WASHC5: variants seen among roughly 807,000 people sequenced by gnomAD.
WASHC5 encodes WASH complex subunit 5.
In WASHC5, 101 loss-of-function variants were observed where a neutral mutation model predicts 150.4. The observed-to-expected ratio is 0.67, with a 90% CI of 0.57 to 0.79. The LOEUF (loss-of-function observed/expected upper bound fraction) is 0.79. WASHC5 is among the 30% of genes least tolerant of loss of function. The pLI is 0.00. For missense variants in WASHC5, 1,195 were observed against 1,396.3 expected (o/e 0.86, Z 2.30); for synonymous variants, 467 against 491.2 (o/e 0.95, Z 0.65).
intron 27 of WASHC5, among the ~76,000 whole-genome samples, chr8:125,029,016 C>T (rs926094217): frequency 6.7e-6 from 1 of 148,324 alleles, no homozygotes; most frequent in Non-Finnish European, 1.5e-5. Flanking sequence ...CCCATACTTT[C>T]CCATCCCTGC....
Position 125,067,709 on chromosome 8 carries a change from T to C in WASHC5, c.1161A>G (p.Pro387=). ...TGATTTGACGAAGGCGTTTGTTGTTTGGGTCACAGGCTAGAAACAGGAAAA... is the reference window on the plus strand; with the variant it reads ...TGATTTGACGAAGGCGTTTGTTGTTCGGGTCACAGGCTAGAAACAGGAAAA... The part of the protein sequence containing the change: ...MLHTADSACD[P]NNKRLRQIKD... The change falls in exon 10 of 29, where the codon CCA becomes CCG. Residue 387 remains proline, a synonymous_variant. Transcript: ENST00000318410. The C allele has an allele frequency of 6.2e-7, 1 of 1,613,868 alleles. No individual in the cohort carries two copies. Among genetic ancestry groups the C allele is most frequent in the Non-Finnish European group, 8.5e-7 (1 of 1,179,816 alleles).
Position 125,046,169 on chromosome 8 carries a change from C to T in WASHC5, c.2504+1038G>A, listed in dbSNP as rs530043630. On this transcript the variant is annotated intron_variant, in intron 20 of 28. Transcript: ENST00000318410. Reference sequence around the variant, plus strand: ...TGGGTGGTCAGAGAACAAAGATCATCGCTTTTTTCCTGGGTAATTCCACCA... The same window carrying T: ...TGGGTGGTCAGAGAACAAAGATCATTGCTTTTTTCCTGGGTAATTCCACCA... Among the ~76,000 whole-genome samples, 4 of 152,292 alleles carry T rather than the reference C, an allele frequency of 2.6e-5. No individual in the cohort carries two copies. In the South Asian group the frequency reaches 8.3e-4, roughly 32 times the overall value.
chr8:125,067,246 G>A (rs527871924), intron 10 of WASHC5, among the ~76,000 whole-genome samples: 2 of 152,294 alleles, frequency 1.3e-5, no homozygotes, highest in Admixed American at 1.3e-4. Flanking sequence ...TCGAACTCCT[G>A]ACCTCAGGTG....
At chr8:125,068,541 C>T (rs570106350) in intron 9 of WASHC5, among the ~76,000 whole-genome samples, 156 of 152,276 alleles carry the variant, frequency 1.0e-3, no homozygotes, top group Middle Eastern at 3.4e-3. Flanking sequence ...TCTATCCTTC[C>T]GCTATAATAA....
At chr8:125,083,021 T>C in intron 3 of WASHC5, 92 bp downstream of exon 3, 1 of 842,376 alleles carries the variant, frequency 1.2e-6, no homozygotes, top group Non-Finnish European at 1.9e-6. Flanking sequence ...GGAAATTTTG[T>C]AGTAACTCAG....
intron 26 of WASHC5, among the ~76,000 whole-genome samples, chr8:125,033,353 A>G (rs561223575): frequency 3.4e-5 from 5 of 148,432 alleles, no homozygotes; most frequent in African/African-American, 1.3e-4. Flanking sequence ...ACCAAATAAT[A>G]AAAAAAGATA....
intron 27 of WASHC5, among the ~76,000 whole-genome samples, chr8:125,029,441 C>T (rs1431175256): frequency 5.3e-5 from 8 of 152,180 alleles, no homozygotes; most frequent in Non-Finnish European, 4.4e-5. Context: ...TAGTTAGCAG[C>T]ATTCTCCAAG....
rs970881782 is a variant in WASHC5 at position 125,080,241 on chromosome 8, T to A, written c.519-1311A>T. On this transcript the variant is annotated intron_variant, in intron 5 of 28. Coordinates refer to ENST00000318410, the MANE Select transcript of WASHC5 (RefSeq NM_014846.4). ...TGTTGTACCAAAGGGGACAAAGCCA[T>A]ATTTTCAAAACTGGGCTTCATAAGC... 3.3e-5 allele frequency among the ~76,000 whole-genome samples: 5 copies of A among 151,610 alleles called. No individual in the cohort carries two copies. In the East Asian group the frequency reaches 9.7e-4, roughly 29 times the overall value.
intron 12 of WASHC5, 123 bp downstream of exon 12, chr8:125,060,959 T>A: frequency 4.4e-6 from 3 of 685,462 alleles, no homozygotes; most frequent in Non-Finnish European, 8.2e-6. Context: ...AACATATTAA[T>A]TCACATCGCT....
At chr8:125,058,628 A>C (rs1039669140) in intron 14 of WASHC5, among the ~76,000 whole-genome samples, 1 of 152,118 alleles carries the variant, frequency 6.6e-6, no homozygotes, top group Non-Finnish European at 1.5e-5. Flanking sequence ...AACACCTGTA[A>C]TTTCAACTAC....
In WASHC5 at chr8:125,073,140, T is replaced by G. The variant is rs1816949094; in HGVS notation, c.1150+13A>C. On this transcript the variant is annotated intron_variant, in intron 9 of 28. Coordinates refer to ENST00000318410, the MANE Select transcript of WASHC5 (RefSeq NM_014846.4). ...GTGGAGTAATATAAACGGCCACCCC[T>G]TTTGTGCATTACCTGAGTCTGCTGT... The G allele has an allele frequency of 6.2e-7, 1 of 1,613,662 alleles. No individual in the cohort carries two copies. The highest frequency in any genetic ancestry group is 1.3e-5 in the African/African-American group (1 of 74,920).
chr8:125,069,541 A>C (rs1402772209), intron 9 of WASHC5, among the ~76,000 whole-genome samples: 1 of 152,168 alleles, frequency 6.6e-6, no homozygotes, highest in Non-Finnish European at 1.5e-5. Context: ...CAGGTACAGA[A>C]CAACAATGTT....
At chr8:125,060,568 T>G (rs1267778608) in intron 12 of WASHC5, among the ~76,000 whole-genome samples, 1 of 152,164 alleles carries the variant, frequency 6.6e-6, no homozygotes, top group Non-Finnish European at 1.5e-5. Flanking sequence ...CAATTAAAAT[T>G]TAAGAGTGGT....
chr8:125,057,591 A>G lies in WASHC5; in HGVS notation c.1840T>C (p.Tyr614His). 6.2e-7 allele frequency: 1 copy of G among 1,613,542 alleles called. No homozygotes were observed. The highest frequency in any genetic ancestry group is 8.5e-7 in the Non-Finnish European group (1 of 1,179,536). The change falls in exon 15 of 29, where the codon TAC (tyrosine) becomes CAC (histidine). Residue 614 changes from tyrosine (Y) to histidine (H), a missense_variant. Tyr to His is a moderately conservative substitution (Grantham distance 83). Coordinates refer to ENST00000318410, the MANE Select transcript of WASHC5 (RefSeq NM_014846.4). ...TAGGATACCAACTCTCCAGAATAGT[A>G]CTGTGACACGCTGAGCAGGTCGGGG... Reference protein sequence around the residue: ...NSPDLLSVSQYYSGELVSYVR... With the variant: ...NSPDLLSVSQHYSGELVSYVR...
chr8:125,063,434 A>G lies in WASHC5; in HGVS notation c.1408+88T>C, dbSNP rs938657590. On this transcript the variant is annotated intron_variant, in intron 11 of 28. Coordinates refer to ENST00000318410, the MANE Select transcript of WASHC5 (RefSeq NM_014846.4). ...TCATAGGATACAATAATGAGAACAT[A>G]AAGTCTTTTTAACCTGCCAGTTTCC... 5.8e-5 allele frequency: 77 copies of G among 1,334,006 alleles called. No homozygotes were observed. The African/African-American group carries it at 9.0e-4, about 16-fold the overall frequency. 82.6% of individuals were successfully genotyped at this position (1,334,006 alleles called of 1,614,324 possible). A position where few individuals can be genotyped will look rare whatever the true frequency, so the allele number is the denominator to read the frequency against.
chr8:125,090,586 C>T (rs1242298154), intron 1 of WASHC5, among the ~76,000 whole-genome samples: 1 of 152,114 alleles, frequency 6.6e-6, no homozygotes, highest in African/African-American at 2.4e-5. Flanking sequence ...AATAATTTGG[C>T]GTGGAACTGT....
chr8:125,055,404 C>CAG (rs3860840), intron 17 of WASHC5, among the ~76,000 whole-genome samples, 187 bp downstream of exon 17: 64 of 151,720 alleles, frequency 4.2e-4, no homozygotes, highest in African/African-American at 1.4e-3. Flanking sequence ...GCCTGGGCAA[C>CAG]AGAGAGAGAG....
At chr8:125,030,774 A>C (rs1207656886) in intron 27 of WASHC5, among the ~76,000 whole-genome samples, 1 of 152,086 alleles carries the variant, frequency 6.6e-6, no homozygotes, top group African/African-American at 2.4e-5. Context: ...TCTCAATACA[A>C]GTTTGGGAAG....
intron 5 of WASHC5, among the ~76,000 whole-genome samples, 186 bp from the exon 6 acceptor site, chr8:125,079,116 G>GTGTGTA (rs370503575): frequency 1.0e-5 from 1 of 97,926 alleles, no homozygotes; most frequent in African/African-American, 4.6e-5. Flanking sequence ...GTGTGTGTGT[G>GTGTGTA]TATATATATA....
Sources: gnomAD v4.1 joint callset for allele counts (sites outside exome capture counted in the v4.1 genomes callset) on GRCh38, gnomAD v4.1.1 for gene constraint, MANE v1.5 for transcripts, NCBI Gene and HGNC (gene_info 2026-07-23, HGNC 2026-07-21) for gene names.